OOEP: variants seen among roughly 807,000 people sequenced by gnomAD.
The protein encoded by OOEP is oocyte expressed protein.
A neutral mutation model predicts 13.7 loss-of-function variants in OOEP; 16 were observed. The observed-to-expected ratio is 1.16, with a 90% confidence interval of 0.79 to 1.77. The LOEUF is 1.77. Ranked by LOEUF, OOEP falls within the 40% of genes most tolerant of loss-of-function variation. The probability of loss-of-function intolerance (pLI) is 0.00; values close to 1 mark genes in which losing one functional copy is unlikely to be tolerated. For missense variants in OOEP, 195 were observed against 193.1 expected (o/e 1.01, Z -0.06); for synonymous variants, 89 against 77.1 (o/e 1.15, Z -0.81).
intron 2 of OOEP, among the ~76,000 whole-genome samples, chr6:73,380,920 G>A (rs1221068565): frequency 1.3e-5 from 2 of 152,012 alleles, no homozygotes; most frequent in African/African-American, 2.4e-5. Context: ...AGGTCTAGGC[G>A]GGTGAATCAC....
rs200158635 is a variant in OOEP at position 73,369,247 on chromosome 6, A to T, written c.329T>A (p.Leu110His). 1 of 1,613,824 alleles carries T rather than the reference A, an allele frequency of 6.2e-7. No individual in the cohort carries two copies. Among genetic ancestry groups the T allele is most frequent in the East Asian group, 2.2e-5 (1 of 44,854 alleles). ...TCGGTGAAACCATGCCAGGCACAGG[A>T]GCATGCTCTTCACCCGATTCTGTAC... ...PRVQNRVKSMLLCLAWFHREH... is the reference protein window; with the variant it reads ...PRVQNRVKSMHLCLAWFHREH... Residue 110 changes from leucine (L) to histidine (H), a missense_variant, in exon 2 of 3, where the codon CTC (leucine) becomes CAC (histidine). Physicochemically the swap from Leu to His is moderately conservative, Grantham distance 99 (BLOSUM62 -3). Transcript: ENST00000370359.
At chr6:73,386,354 A>G in intron 2 of OOEP, among the ~76,000 whole-genome samples, 1 of 152,016 alleles carries the variant, frequency 6.6e-6, no homozygotes, top group Non-Finnish European at 1.5e-5. Flanking sequence ...TTGGCCTCCC[A>G]AAGTGCTGGG....
In OOEP at chr6:73,369,133, T is replaced by C. The variant is rs959842507; in HGVS notation, c.370+73A>G. 9.6e-6 allele frequency: 14 copies of C among 1,461,708 alleles called. No homozygotes were observed. The Admixed American group carries it at 2.0e-4, about 21-fold the overall frequency. The allele number at this position is 1,461,708 out of a possible 1,614,324, so 90.5% of individuals were successfully genotyped here. A position where few individuals can be genotyped will look rare whatever the true frequency, so the allele number is the denominator to read the frequency against. On this transcript the variant is annotated intron_variant, in intron 2 of 2. Coordinates refer to ENST00000370359, the MANE Select transcript of OOEP (RefSeq NM_001080507.3). ...AAATTTTGAGAAGGTTAAGGGAGGA[T>C]GGAAGGAAACCGAGCAAGGCCAGTA...
At chr6:73,379,377 G>A (rs1769171896) in intron 2 of OOEP, among the ~76,000 whole-genome samples, 1 of 147,034 alleles carries the variant, frequency 6.8e-6, no homozygotes, top group African/African-American at 2.5e-5. Flanking sequence ...AGGCATGGTG[G>A]CTCACGCCTG....
At chr6:73,386,382 C>T (rs967956423) in intron 2 of OOEP, among the ~76,000 whole-genome samples, 2 of 151,756 alleles carry the variant, frequency 1.3e-5, no homozygotes, top group African/African-American at 4.8e-5. Context: ...GCATGAGCCC[C>T]CAGACCGGGC....
intron 2 of OOEP, among the ~76,000 whole-genome samples, chr6:73,387,274 C>A (rs1462651432): frequency 6.6e-6 from 1 of 151,854 alleles, no homozygotes; most frequent in Non-Finnish European, 1.5e-5. Context: ...TTTGGGAGGC[C>A]GAGGTGGGTG....
At chr6:73,372,875 G>A (rs117163087), upstream of OOEP, among the ~76,000 whole-genome samples, 4 of 151,770 alleles carry the variant, frequency 2.6e-5, no homozygotes, top group South Asian at 4.2e-4. Flanking sequence ...CTTAAGGGCC[G>A]GAAGATTCTT....
intron 2 of OOEP, among the ~76,000 whole-genome samples, chr6:73,392,530 C>T (rs1219995276): frequency 6.6e-6 from 1 of 150,896 alleles, no homozygotes; most frequent in African/African-American, 2.4e-5. Flanking sequence ...TCTTGAACTC[C>T]TGACCTCAGA....
upstream of OOEP, among the ~76,000 whole-genome samples, chr6:73,374,018 C>G (rs1270576289): frequency 1.3e-5 from 2 of 151,972 alleles, no homozygotes; most frequent in African/African-American, 4.8e-5. Flanking sequence ...TAGAGAGGAC[C>G]TGTCTCTACA....
intron 2 of OOEP, among the ~76,000 whole-genome samples, chr6:73,377,431 C>G (rs376913603): frequency 5.9e-5 from 1 of 16,956 alleles, no homozygotes; most frequent in East Asian, 0.1. Context: ...CTCATGCATG[C>G]AAGTCACCAC....
intron 2 of OOEP, among the ~76,000 whole-genome samples, chr6:73,389,247 G>A (rs1170857524): frequency 1.3e-5 from 2 of 152,160 alleles, no homozygotes; most frequent in Non-Finnish European, 2.9e-5. Context: ...AGGACCTGGG[G>A]CGACTGATTC....
At chr6:73,371,538 C>T (rs191298541), upstream of OOEP, among the ~76,000 whole-genome samples, 6 of 151,978 alleles carry the variant, frequency 3.9e-5, no homozygotes, top group Non-Finnish European at 5.9e-5. Flanking sequence ...CACCTGAGGT[C>T]GGGAGTTCGA....
chr6:73,388,260 A>G (rs1769301261), intron 2 of OOEP, among the ~76,000 whole-genome samples: 1 of 151,960 alleles, frequency 6.6e-6, no homozygotes, highest in African/African-American at 2.4e-5. Context: ...TGAAAATACA[A>G]ATTATAAACA....
chr6:73,369,005 G>T, intron 2 of OOEP, 142 bp from the exon 3 acceptor site: 1 of 809,342 alleles, frequency 1.2e-6, no homozygotes, highest in Non-Finnish European at 2.0e-6. Flanking sequence ...GGCAGTGATG[G>T]GTCTGAATCT....
upstream of OOEP, among the ~76,000 whole-genome samples, chr6:73,372,022 C>T (rs370700618): frequency 6.6e-6 from 1 of 152,166 alleles, no homozygotes; most frequent in South Asian, 2.1e-4. Flanking sequence ...GCTAGCAGAT[C>T]GCTTAAGCCA....
intron 2 of OOEP, chr6:73,394,196 TAA>T: frequency 1.2e-5 from 7 of 570,798 alleles, no homozygotes; most frequent in South Asian, 2.1e-5. Context: ...TTTTTTTTTT[TAA>T]TTTTGTGGAT....
chr6:73,386,650 G>C (rs989669028), intron 2 of OOEP, among the ~76,000 whole-genome samples: 1 of 151,784 alleles, frequency 6.6e-6, no homozygotes, highest in African/African-American at 2.4e-5. Flanking sequence ...CTTACCTCAC[G>C]ACATACACAA....
chr6:73,377,425 T>C (rs890708549), intron 2 of OOEP, among the ~76,000 whole-genome samples: 2 of 17,518 alleles, frequency 1.1e-4, no homozygotes, highest in Non-Finnish European at 9.6e-3. Context: ...AACCTGCTCA[T>C]GCATGCAAGT....
exon 2 of OOEP, chr6:73,394,463 C>G: frequency 1.5e-6 from 1 of 682,564 alleles, no homozygotes; most frequent in South Asian, 1.6e-5. Context: ...CAAGACCTGC[C>G]TGGGCAACAC....
Sources: allele counts gnomAD v4.1 joint callset (sites outside exome capture counted in the v4.1 genomes callset), GRCh38; gene constraint gnomAD v4.1.1; transcripts MANE v1.5; gene names NCBI Gene and HGNC (gene_info 2026-07-23, HGNC 2026-07-21).